The following PTBP2 variants were observed in gnomAD, a reference collection of about 807,000 sequenced individuals.
The protein encoded by PTBP2 is polypyrimidine tract binding protein 2.
PTBP2 carries 13 observed loss-of-function variants against 61.4 expected under a neutral mutation model. That is an observed-to-expected ratio of 0.21 (90% CI 0.14 to 0.34). The LOEUF is 0.34. Among genes scored for constraint, PTBP2 ranks in the 10% least tolerant of loss-of-function variants. PTBP2 has a pLI of 1.00. For synonymous variants in PTBP2, 215 were observed against 218.5 expected, an observed-to-expected ratio of 0.98 and a Z score of 0.14; for missense variants, 405 against 642.6, an observed-to-expected ratio of 0.63 and a Z score of 4.00.
chr1:96,722,008 C>T, intron 1 of PTBP2, 136 bp downstream of exon 1: 1 of 1,120,372 alleles, frequency 8.9e-7, no homozygotes, highest in Non-Finnish European at 1.3e-6. Context: ...CCCGCCCCAT[C>T]GCACACACCC....
At chr1:96,806,620 A>G (rs1274721263) in intron 10 of PTBP2, among the ~76,000 whole-genome samples, 168 bp downstream of exon 10, 2 of 152,112 alleles carry the variant, frequency 1.3e-5, no homozygotes, top group African/African-American at 2.4e-5. Context: ...AATGCATGCT[A>G]ATTTATTTTG....
intron 2 of PTBP2, 80 bp downstream of exon 2, chr1:96,723,674 AAAACTAT>A: frequency 1.5e-6 from 2 of 1,327,692 alleles, no homozygotes; most frequent in South Asian, 2.9e-5. Flanking sequence ...TTTGCTTTTG[AAAACTAT>A]AACGTAGCTA....
At chr1:96,773,653 T>C (rs992804384) in intron 5 of PTBP2, among the ~76,000 whole-genome samples, 1 of 152,048 alleles carries the variant, frequency 6.6e-6, no homozygotes. Context: ...AAGAGGCTCT[T>C]ATTCTGGGTC....
intron 2 of PTBP2, among the ~76,000 whole-genome samples, chr1:96,733,050 T>C (rs556166050): frequency 3.9e-4 from 60 of 152,110 alleles, no homozygotes; most frequent in African/African-American, 1.4e-3. Context: ...ATAGCAAATT[T>C]ATTGTAACAA....
At chr1:96,784,997 A>T in intron 7 of PTBP2, 62 bp from the exon 8 acceptor site, 1 of 1,278,038 alleles carries the variant, frequency 7.8e-7, no homozygotes, top group Non-Finnish European at 1.1e-6. Context: ...TACTAAAATT[A>T]TACTTTCACT....
intron 3 of PTBP2, among the ~76,000 whole-genome samples, chr1:96,759,270 G>A (rs2100951723): frequency 6.6e-6 from 1 of 152,268 alleles, no homozygotes; most frequent in Admixed American, 6.5e-5. Flanking sequence ...TAAAATTTAT[G>A]TGGAAATAAA....
chr1:96,757,673 C>G (rs915426410), intron 3 of PTBP2, among the ~76,000 whole-genome samples: 3 of 152,060 alleles, frequency 2.0e-5, no homozygotes, highest in African/African-American at 7.2e-5. Flanking sequence ...AATGATAGAC[C>G]TTATATTGGA....
intron 2 of PTBP2, among the ~76,000 whole-genome samples, chr1:96,728,032 C>T (rs944279750): frequency 1.3e-5 from 2 of 152,030 alleles, no homozygotes; most frequent in African/African-American, 4.8e-5. Context: ...CTCTGTCACC[C>T]CAGCTGGAGT....
intron 1 of PTBP2, among the ~76,000 whole-genome samples, chr1:96,722,434 C>G (rs1649730028): frequency 7.3e-6 from 1 of 136,058 alleles, no homozygotes; most frequent in East Asian, 2.3e-4. Context: ...GTGGGAGCCG[C>G]TGGGGAAGGG....
chr1:96,767,712 A>G (rs1268217120), intron 3 of PTBP2, among the ~76,000 whole-genome samples: 3 of 152,244 alleles, frequency 2.0e-5, no homozygotes, highest in East Asian at 1.9e-4. Flanking sequence ...TACATTTTCA[A>G]TTAACGGGCC....
Position 96,813,582 on chromosome 1 carries a change from G to A in PTBP2, c.*177G>A. ...TATAAAATGAAATGGCATATGTAAA[G>A]GCAGAGTTGTTAACTGCTATATTTC... On this transcript the variant is annotated 3_prime_UTR_variant, in exon 14 of 14. Coordinates refer to ENST00000674951, the MANE Select transcript of PTBP2 (RefSeq NM_021190.4). The A allele has an allele frequency of 2.0e-6, 1 of 506,904 alleles. No individual in the cohort carries two copies. Among genetic ancestry groups the A allele is most frequent in the Non-Finnish European group, 3.2e-6 (1 of 313,990 alleles). 31.4% of individuals were successfully genotyped at this position (506,904 alleles called of 1,614,324 possible). A position where few individuals can be genotyped will look rare whatever the true frequency, so the allele number is the denominator to read the frequency against.
chr1:96,737,455 T>C (rs1281604022), intron 2 of PTBP2, among the ~76,000 whole-genome samples: 4 of 151,842 alleles, frequency 2.6e-5, no homozygotes, highest in Non-Finnish European at 4.4e-5. Flanking sequence ...AAATTAAAGA[T>C]GTATAATCCA....
At chr1:96,816,852 G>A (rs1168816948), downstream of PTBP2, 1 of 152,116 alleles carries the variant, frequency 6.6e-6, no homozygotes, top group Non-Finnish European at 1.5e-5. Context: ...GTGAAGGAAT[G>A]CTATGCAATT....
At chr1:96,806,501 T>A in intron 10 of PTBP2, 49 bp downstream of exon 10, 1 of 1,543,936 alleles carries the variant, frequency 6.5e-7, no homozygotes. Flanking sequence ...GATTTTTGTT[T>A]CACCTTAATT....
At position 96,721,986 on chromosome 1, in the gene PTBP2, C is replaced by A. The variant is rs1356635575; in HGVS notation, c.8+114C>A. 8 of 1,377,256 alleles carry A rather than the reference C, an allele frequency of 5.8e-6. No homozygotes were observed. In the African/African-American group the frequency reaches 8.7e-5, roughly 15 times the overall value. 85.3% of individuals were successfully genotyped at this position (1,377,256 alleles called of 1,614,324 possible). On this transcript the variant is annotated intron_variant, in intron 1 of 13. Coordinates refer to ENST00000674951, the MANE Select transcript of PTBP2 (RefSeq NM_021190.4). ...GCGGCCCCTCCCAGGGCTGGGCTGC[C>A]GTTACCCAACCCCCGCCCCATCGCA...
At chr1:96,812,350 G>A (rs943696299) in intron 11 of PTBP2, among the ~76,000 whole-genome samples, 1 of 152,172 alleles carries the variant, frequency 6.6e-6, no homozygotes, top group Non-Finnish European at 1.5e-5. Flanking sequence ...ACAATTAGGA[G>A]GAAGGCTATC....
rs1325993462 is a variant in PTBP2 at position 96,802,077 on chromosome 1, G to C, written c.905-2723G>C. Among the ~76,000 whole-genome samples, 12 of 150,750 alleles carry C rather than the reference G, an allele frequency of 8.0e-5. No individual in the cohort carries two copies. In the East Asian group the frequency reaches 1.4e-3, roughly 17 times the overall value. ...ATACAAAAAATTAGCCGGGCGTGTT[G>C]GCGGGCGCCTGTAGTCCCAGCTACT... is the stretch of plus-strand genomic sequence containing the variant. On this transcript the variant is annotated intron_variant, in intron 8 of 13. Transcript: ENST00000674951.
In PTBP2 at chr1:96,759,255, C is replaced by T. The variant is rs143248477; in HGVS notation, c.115+7755C>T. Among the ~76,000 whole-genome samples, 399 of 152,222 alleles carry T rather than the reference C, an allele frequency of 2.6e-3. 1 individual carries two copies. The highest frequency in any genetic ancestry group is 9.3e-3 in the African/African-American group (385 of 41,536). ...TATAAAGACTTATAAATTGAGAGTA[C>T]ATTCTAAAATTTATGTGGAAATAAA... is the stretch of plus-strand genomic sequence containing the variant. On this transcript the variant is annotated intron_variant, in intron 3 of 13. Coordinates refer to ENST00000674951, the MANE Select transcript of PTBP2 (RefSeq NM_021190.4).
chr1:96,761,925 G>C (rs1192622194), intron 3 of PTBP2, among the ~76,000 whole-genome samples: 1 of 151,898 alleles, frequency 6.6e-6, no homozygotes, highest in Non-Finnish European at 1.5e-5. Context: ...CTTGAGATTA[G>C]GGAGTGGTGA....
Sources: gnomAD v4.1 joint callset for allele counts (sites outside exome capture counted in the v4.1 genomes callset) on GRCh38, gnomAD v4.1.1 for gene constraint, MANE v1.5 for transcripts, NCBI Gene and HGNC (gene_info 2026-07-23, HGNC 2026-07-21) for gene names.